Variants in ROBO1 observed in about 807,000 individuals in gnomAD.
The protein encoded by ROBO1 is roundabout guidance receptor 1.
In ROBO1, 149 loss-of-function variants were observed where a neutral mutation model predicts 195.9. The observed-to-expected ratio is 0.76, with a 90% CI of 0.67 to 0.87. The LOEUF (loss-of-function observed/expected upper bound fraction) is 0.87. Among genes scored for constraint, ROBO1 ranks in the 40% least tolerant of loss-of-function variants. The probability of loss-of-function intolerance (pLI) is 0.00; values close to 1 mark genes in which losing one functional copy is unlikely to be tolerated. For missense variants in ROBO1, 1,933 were observed against 2,068.3 expected (o/e 0.93, Z 1.27); for synonymous variants, 816 against 733.2 (o/e 1.11, Z -1.82).
intron 4 of ROBO1, among the ~76,000 whole-genome samples, chr3:78,830,242 C>G (rs1344107621): frequency 1.3e-5 from 2 of 152,126 alleles, no homozygotes; most frequent in Non-Finnish European, 2.9e-5. Flanking sequence ...CAAATTATAA[C>G]AGAACAAAGG....
intron 2 of ROBO1, among the ~76,000 whole-genome samples, chr3:79,231,283 C>T (rs978852853): frequency 6.6e-6 from 1 of 151,926 alleles, no homozygotes; most frequent in Non-Finnish European, 1.5e-5. Context: ...AACAGATAAC[C>T]TACAAAATAG....
At chr3:79,486,392 C>T (rs1243964337) in intron 2 of ROBO1, among the ~76,000 whole-genome samples, 1 of 152,022 alleles carries the variant, frequency 6.6e-6, no homozygotes, top group African/African-American at 2.4e-5. Flanking sequence ...TTGGCCACCC[C>T]AGAGAGTGTT....
intron 3 of ROBO1, among the ~76,000 whole-genome samples, chr3:79,045,168 T>C (rs2078566921): frequency 6.6e-6 from 1 of 151,792 alleles, no homozygotes. Flanking sequence ...AAATAAATAA[T>C]AAAAATACTG....
intron 10 of ROBO1, among the ~76,000 whole-genome samples, chr3:78,672,114 A>AT (rs759900391): frequency 9.9e-5 from 15 of 152,232 alleles, no homozygotes; most frequent in Admixed American, 2.6e-4. Context: ...GCATAATAAT[A>AT]TTTTTTTCTA....
intron 2 of ROBO1, among the ~76,000 whole-genome samples, chr3:79,262,078 GCTAT>G (rs765169421): frequency 2.6e-5 from 4 of 152,128 alleles, no homozygotes; most frequent in African/African-American, 7.2e-5. Flanking sequence ...AACAAGCCAG[GCTAT>G]CTATTATCTA....
At chr3:78,969,609 T>C (rs1350745346) in intron 3 of ROBO1, among the ~76,000 whole-genome samples, 1 of 152,114 alleles carries the variant, frequency 6.6e-6, no homozygotes. Context: ...GGAAGTTCAG[T>C]ATCATCTGAG....
At chr3:79,340,985 G>A (rs529407817) in intron 2 of ROBO1, among the ~76,000 whole-genome samples, 5 of 152,310 alleles carry the variant, frequency 3.3e-5, no homozygotes, top group Non-Finnish European at 7.3e-5. Context: ...TAAGTATACT[G>A]CGGAATGTAC....
rs914798161 is a variant in ROBO1 at position 78,603,823 on chromosome 3, T to C, written c.4744+2910A>G. ...GCAGAGCATATAAAATAATAACTCATCAGTGTACCTCAGTGATTTCCATGA... is the reference window on the plus strand; with the variant it reads ...GCAGAGCATATAAAATAATAACTCACCAGTGTACCTCAGTGATTTCCATGA... On this transcript the variant is annotated intron_variant, in intron 29 of 30. Transcript: ENST00000464233. Among the ~76,000 whole-genome samples the C allele has an allele frequency of 1.3e-5, 2 of 152,244 alleles. 1 individual carries two copies. Among genetic ancestry groups the C allele is most frequent in the Admixed American group, 1.3e-4 (2 of 15,274 alleles).
chr3:79,500,213 C>T (rs1400159102), intron 2 of ROBO1, among the ~76,000 whole-genome samples: 3 of 150,810 alleles, frequency 2.0e-5, no homozygotes, highest in Non-Finnish European at 4.4e-5. Context: ...TCGCTGCAAC[C>T]TCCGCCTCCA....
intron 18 of ROBO1, among the ~76,000 whole-genome samples, chr3:78,652,584 T>C (rs1706738837): frequency 6.6e-6 from 1 of 152,030 alleles, no homozygotes; most frequent in South Asian, 2.1e-4. Context: ...TAAAACCCAA[T>C]GAAATATTCA....
Position 79,039,973 on chromosome 3 carries a change from T to C in ROBO1, c.172+85483A>G, listed in dbSNP as rs1481427429. 2.6e-5 allele frequency among the ~76,000 whole-genome samples: 4 copies of C among 152,226 alleles called. No homozygotes were observed. The South Asian group carries it at 8.3e-4, about 32-fold the overall frequency. On this transcript the variant is annotated intron_variant, in intron 3 of 30. Coordinates refer to ENST00000464233, the MANE Select transcript of ROBO1 (RefSeq NM_002941.4). ...TAATACATATAAATTATCTGATATA[T>C]GGTAAATGCTCAATACATAACCATC... is the stretch of plus-strand genomic sequence containing the variant.
intron 2 of ROBO1, among the ~76,000 whole-genome samples, chr3:79,565,442 C>G (rs1344576074): frequency 6.6e-6 from 1 of 151,890 alleles, no homozygotes; most frequent in Non-Finnish European, 1.5e-5. Flanking sequence ...TAATCAGTAA[C>G]AGCTATACTA....
intron 1 of ROBO1, among the ~76,000 whole-genome samples, chr3:79,713,668 C>A (rs1486756618): frequency 6.6e-6 from 1 of 152,086 alleles, no homozygotes; most frequent in Non-Finnish European, 1.5e-5. Flanking sequence ...AGTCCTTGCC[C>A]ATGCCTATGT....
chr3:78,669,781 A>G (rs1267774449), intron 11 of ROBO1, among the ~76,000 whole-genome samples: 4 of 152,218 alleles, frequency 2.6e-5, no homozygotes, highest in Non-Finnish European at 5.9e-5. Context: ...TTATGGAAGG[A>G]CTGCTTCGTA....
chr3:78,701,129 A>T lies in ROBO1; in HGVS notation c.1046-12357T>A, dbSNP rs2081410614. Among the ~76,000 whole-genome samples, 4 of 152,236 alleles carry T rather than the reference A, an allele frequency of 2.6e-5. No individual in the cohort carries two copies. In the South Asian group the frequency reaches 8.3e-4, roughly 32 times the overall value. ...CATTGGATGACTTGTTTGTAATTTT[A>T]AAAAGAGTAAAACCTTGCTCTAATG... On this transcript the variant is annotated intron_variant, in intron 8 of 30. Coordinates refer to ENST00000464233, the MANE Select transcript of ROBO1 (RefSeq NM_002941.4).
At chr3:79,631,878 C>T (rs1945353318) in intron 1 of ROBO1, among the ~76,000 whole-genome samples, 1 of 152,094 alleles carries the variant, frequency 6.6e-6, no homozygotes, top group East Asian at 1.9e-4. Flanking sequence ...TGAAAAAATG[C>T]TCAACATCAC....
intron 1 of ROBO1, among the ~76,000 whole-genome samples, chr3:79,603,551 A>T (rs553467192): frequency 6.6e-6 from 1 of 152,058 alleles, no homozygotes; most frequent in South Asian, 2.1e-4. Context: ...GTTGGGTGTC[A>T]CATGTTCAAC....
intron 3 of ROBO1, among the ~76,000 whole-genome samples, chr3:78,966,373 T>A (rs1485144205): frequency 6.6e-6 from 1 of 152,226 alleles, no homozygotes; most frequent in East Asian, 1.9e-4. Flanking sequence ...TACATTACAA[T>A]GAAAATCTTA....
intron 1 of ROBO1, among the ~76,000 whole-genome samples, chr3:79,669,533 C>A (rs1946571513): frequency 6.6e-6 from 1 of 151,878 alleles, no homozygotes; most frequent in Non-Finnish European, 1.5e-5. Context: ...TAACATGCTG[C>A]ACAGGTTTGT....
Sources: gnomAD v4.1 joint callset for allele counts (sites outside exome capture counted in the v4.1 genomes callset) on GRCh38, gnomAD v4.1.1 for gene constraint, MANE v1.5 for transcripts, NCBI Gene and HGNC (gene_info 2026-07-23, HGNC 2026-07-21) for gene names.